Variants in TBC1D5 observed in about 807,000 individuals in gnomAD.
TBC1D5 encodes TBC1 domain family member 5, also known as TBC1 domain family, member 5.
TBC1D5 carries 75 observed loss-of-function variants against 100.3 expected under a neutral mutation model. The ratio of observed to expected loss-of-function variants is 0.75; its 90% CI spans 0.62 to 0.91. The LOEUF is 0.91. Among genes scored for constraint, TBC1D5 ranks in the 40% least tolerant of loss-of-function variants. The pLI is 0.00. For synonymous variants in TBC1D5, 323 were observed against 325.6 expected, an observed-to-expected ratio of 0.99 and a Z score of 0.09; for missense variants, 910 against 942.4, an observed-to-expected ratio of 0.97 and a Z score of 0.45.
At position 17,604,196 on chromosome 3, in the gene TBC1D5, G is replaced by C. The variant is rs547802880; in HGVS notation, c.-36+19653C>G. Among the ~76,000 whole-genome samples the C allele has an allele frequency of 3.3e-5, 5 of 152,292 alleles. 1 individual carries two copies. In the East Asian group the frequency reaches 9.7e-4, roughly 29 times the overall value. ...GCTAGTCTCAAACTCCTTGGTTCAA[G>C]TGATCTACCTGCCTCGGCCTCCCAA... On this transcript the variant is annotated intron_variant, in intron 2 of 21. Coordinates refer to ENST00000253692, the Ensembl canonical transcript of TBC1D5.
At chr3:17,513,276 G>T (rs1173195436) in intron 2 of TBC1D5, among the ~76,000 whole-genome samples, 3 of 151,242 alleles carry the variant, frequency 2.0e-5, no homozygotes, top group East Asian at 3.9e-4. Context: ...AGGTTGCAGT[G>T]AGCCAAGATC....
intron 13 of TBC1D5, among the ~76,000 whole-genome samples, chr3:17,309,933 T>G (rs1342874204): frequency 2.6e-5 from 4 of 152,048 alleles, no homozygotes; most frequent in Non-Finnish European, 5.9e-5. Context: ...TGACACAACT[T>G]TCCTCCATCA....
At chr3:17,307,000 T>G (rs1040294394) in intron 14 of TBC1D5, among the ~76,000 whole-genome samples, 2 of 152,106 alleles carry the variant, frequency 1.3e-5, no homozygotes, top group Non-Finnish European at 2.9e-5. Context: ...AAATCTACAT[T>G]TTTTGGATAA....
chr3:17,655,084 A>T (rs1319222969), intron 1 of TBC1D5, among the ~76,000 whole-genome samples: 2 of 150,984 alleles, frequency 1.3e-5, no homozygotes, highest in East Asian at 3.9e-4. Flanking sequence ...GCGGTCTATC[A>T]ATTTTGTTGA....
intron 2 of TBC1D5, among the ~76,000 whole-genome samples, chr3:17,547,617 G>A (rs1252035973): frequency 3.3e-5 from 5 of 152,092 alleles, no homozygotes. Context: ...TATACATGGT[G>A]CCACTTAATA....
chr3:17,595,890 A>T (rs777991461), intron 2 of TBC1D5, among the ~76,000 whole-genome samples: 1 of 152,190 alleles, frequency 6.6e-6, no homozygotes, highest in Non-Finnish European at 1.5e-5. Context: ...TAGAAGTGTT[A>T]ACATTTTTGA....
chr3:17,590,888 T>A (rs2096762670), intron 2 of TBC1D5, among the ~76,000 whole-genome samples: 1 of 151,992 alleles, frequency 6.6e-6, no homozygotes, highest in South Asian at 2.1e-4. Context: ...TCCTACCTAA[T>A]TTACACAAGC....
rs894224302 is a variant in TBC1D5, at chr3:17,656,285, A to C, written c.-100-32372T>G. Among the ~76,000 whole-genome samples the C allele has an allele frequency of 2.0e-5, 3 of 152,196 alleles. No homozygotes were observed. The East Asian group carries it at 5.8e-4, about 29-fold the overall frequency. ...TCATCAGTAAACCAGAACCTTCAGAACCTGGTTCATTTGAAAGGAAGGGCT... is the reference window on the plus strand; with the variant it reads ...TCATCAGTAAACCAGAACCTTCAGACCCTGGTTCATTTGAAAGGAAGGGCT... On this transcript the variant is annotated intron_variant, in intron 1 of 21. Transcript: ENST00000253692.
At chr3:17,352,835 C>T (rs1324678196) in intron 13 of TBC1D5, among the ~76,000 whole-genome samples, 4 of 152,086 alleles carry the variant, frequency 2.6e-5, no homozygotes, top group Middle Eastern at 6.8e-3. Context: ...GCCTTTTCAT[C>T]GAAACAATTA....
intron 2 of TBC1D5, among the ~76,000 whole-genome samples, chr3:17,548,192 G>A (rs1205121555): frequency 6.6e-6 from 1 of 152,132 alleles, no homozygotes; most frequent in Admixed American, 6.5e-5. Context: ...GCACGTGCCT[G>A]TAGTCCCAGC....
At chr3:17,343,149 C>T (rs1028691152) in intron 13 of TBC1D5, among the ~76,000 whole-genome samples, 1 of 152,082 alleles carries the variant, frequency 6.6e-6, no homozygotes, top group African/African-American at 2.4e-5. Flanking sequence ...CCATCAATAC[C>T]TAATTTATTG....
chr3:17,626,681 C>A (rs562312697), intron 1 of TBC1D5, among the ~76,000 whole-genome samples: 28 of 152,128 alleles, frequency 1.8e-4, no homozygotes, highest in African/African-American at 6.3e-4. Context: ...GAAAAAAGTA[C>A]GTTAAGCTTT....
chr3:17,208,968 T>C (rs1210793714), intron 18 of TBC1D5, among the ~76,000 whole-genome samples: 1 of 152,236 alleles, frequency 6.6e-6, no homozygotes, highest in Non-Finnish European at 1.5e-5. Context: ...ATGTAACACT[T>C]ACATAAGTGT....
chr3:17,545,791 G>A (rs1048672238), intron 2 of TBC1D5, among the ~76,000 whole-genome samples: 1 of 152,068 alleles, frequency 6.6e-6, no homozygotes, highest in African/African-American at 2.4e-5. Context: ...TTGCTTCCTA[G>A]TCCTTAGCAC....
At chr3:17,392,429 T>A (rs1466430087) in intron 8 of TBC1D5, among the ~76,000 whole-genome samples, 2 of 151,966 alleles carry the variant, frequency 1.3e-5, no homozygotes, top group Admixed American at 6.6e-5. Context: ...GTTTGTTACA[T>A]TAGGTATACA....
chr3:17,738,171 A>C (rs1415308801), intron 1 of TBC1D5, among the ~76,000 whole-genome samples: 1 of 152,224 alleles, frequency 6.6e-6, no homozygotes, highest in Non-Finnish European at 1.5e-5. Flanking sequence ...CAAAGGGATA[A>C]GAGCATTACT....
intron 1 of TBC1D5, among the ~76,000 whole-genome samples, chr3:17,699,129 A>T (rs1431333794): frequency 7.0e-6 from 1 of 143,718 alleles, no homozygotes; most frequent in African/African-American, 2.6e-5. Flanking sequence ...AATAGCAAAG[A>T]CTTGGAACCA....
intron 3 of TBC1D5, among the ~76,000 whole-genome samples, chr3:17,502,408 C>T (rs930107805): frequency 6.7e-6 from 1 of 149,344 alleles, no homozygotes; most frequent in African/African-American, 2.5e-5. Context: ...ATCACACCAT[C>T]CTGGTTTTCC....
chr3:17,526,072 CAGG>C (rs1228566478), intron 2 of TBC1D5, among the ~76,000 whole-genome samples: 2 of 152,044 alleles, frequency 1.3e-5, no homozygotes, highest in Non-Finnish European at 2.9e-5. Context: ...GTAAACAAAA[CAGG>C]AGGTTTCTTT....
Sources: gnomAD v4.1 joint callset for allele counts (sites outside exome capture counted in the v4.1 genomes callset) on GRCh38, gnomAD v4.1.1 for gene constraint, MANE v1.5 for transcripts, NCBI Gene and HGNC (gene_info 2026-07-23, HGNC 2026-07-21) for gene names.